The following PNPLA2 variants were observed in gnomAD, a reference collection of about 807,000 sequenced individuals.
PNPLA2 encodes the protein patatin-like phospholipase domain-containing protein 2.
In PNPLA2, 28 loss-of-function variants were observed where a neutral mutation model predicts 39.7. That is an observed-to-expected ratio of 0.70 (90% confidence interval 0.52 to 0.97). The LOEUF is 0.97. PNPLA2 is among the 50% of genes least tolerant of loss of function. PNPLA2 has a pLI of 0.00. For missense variants in PNPLA2, 768 were observed against 698.2 expected (o/e 1.10, Z -1.13); for synonymous variants, 392 against 321.1 (o/e 1.22, Z -2.36).
chr11:821,651 G>A lies in PNPLA2; in HGVS notation c.211G>A (p.Glu71Lys). 1 of 1,613,772 alleles carries A rather than the reference G, an allele frequency of 6.2e-7. No homozygotes were observed. The highest frequency in any genetic ancestry group is 2.2e-5 in the East Asian group (1 of 44,886). ...CLGEAGAKFI[E>K]VSKEARKRFL... ...AGGTGAGGCTGGTGCCAAGTTCATTGAGGTATCTAAAGAGGCCCGGAAGCG... is the reference window on the plus strand; with the variant it reads ...AGGTGAGGCTGGTGCCAAGTTCATTAAGGTATCTAAAGAGGCCCGGAAGCG... Residue 71 changes from glutamate to lysine, a missense_variant, in exon 3 of 10, where the codon GAG (glutamate) becomes AAG (lysine). Physicochemically the swap from Glu to Lys is moderately conservative, Grantham distance 56. Coordinates refer to ENST00000336615, the MANE Select transcript of PNPLA2 (RefSeq NM_020376.4).
In PNPLA2 at chr11:823,732, C is replaced by T. The variant is rs769674578; in HGVS notation, c.796C>T (p.Pro266Ser). 2.5e-6 allele frequency: 4 copies of T among 1,606,040 alleles called. No individual in the cohort carries two copies. The East Asian group carries it at 6.7e-5, about 27-fold the overall frequency. The change falls in exon 7 of 10, where the codon CCC (proline) becomes TCC (serine). Residue 266 changes from proline to serine, a missense_variant. Transcript: ENST00000336615. ...GCCCAACCCCTTGCTGGCGTTGCCC[C>T]CCGCCCGCCCCCACGGCCCAGAGGA... ...NRPNPLLALP[P>S]ARPHGPEDKD...
rs1273725564 is a variant in PNPLA2, at chr11:819,745, C to T, written c.27C>T (p.Asn9=). 2 of 1,506,974 alleles carry T rather than the reference C, an allele frequency of 1.3e-6. No homozygotes were observed. Among genetic ancestry groups the T allele is most frequent in the Admixed American group, 2.1e-5 (1 of 47,200 alleles). 93.4% of individuals were successfully genotyped at this position (1,506,974 alleles called of 1,614,324 possible). The change falls in exon 2 of 10, where the codon AAC becomes AAT. Residue 9 remains asparagine, a synonymous_variant. Transcript: ENST00000336615. ...TGTTTCCCCGCGAGAAGACGTGGAA[C>T]ATCTCGTTCGCGGGCTGCGGCTTCC... The part of the protein sequence containing the change: MFPREKTW[N]ISFAGCGFLG...
At position 824,631 on chromosome 11, in the gene PNPLA2, G is replaced by C; in HGVS notation, c.1284G>C (p.Ser428=). ...CCGGCTGGATGCGCAACAACCTCTC[G>C]CTGGGGGACGCGCTGGCCAAGTGGG... ...ALPGWMRNNL[S]LGDALAKWEE... The change falls in exon 10 of 10, where the codon TCG becomes TCC. Residue 428 remains serine (S), a synonymous_variant. Transcript: ENST00000336615. 1 of 1,596,452 alleles carries C rather than the reference G, an allele frequency of 6.3e-7. No homozygotes were observed. The highest frequency in any genetic ancestry group is 1.7e-5 in the Admixed American group (1 of 59,158).
intron 8 of PNPLA2, 85 bp downstream of exon 8, chr11:824,215 G>C: frequency 6.5e-7 from 1 of 1,546,820 alleles, no homozygotes; most frequent in Non-Finnish European, 8.7e-7. Flanking sequence ...GGAAGGTGGG[G>C]TGGGGTGAGC....
chr11:820,322 G>T (rs2133845879), intron 2 of PNPLA2, among the ~76,000 whole-genome samples: 1 of 152,336 alleles, frequency 6.6e-6, no homozygotes, highest in East Asian at 1.9e-4. Context: ...AGGGGGCCTG[G>T]CATGGGGGTA....
At position 819,923 on chromosome 11, in the gene PNPLA2, C is replaced by T; in HGVS notation, c.187+18C>T. On this transcript the variant is annotated intron_variant, in intron 2 of 9. Coordinates refer to ENST00000336615, the MANE Select transcript of PNPLA2 (RefSeq NM_020376.4). ...CTGCCTGGGTGAGCGGGGCCGGGGGCGGCAGGCGGGGGGCTGGCGGGAAGG... is the reference window on the plus strand; with the variant it reads ...CTGCCTGGGTGAGCGGGGCCGGGGGTGGCAGGCGGGGGGCTGGCGGGAAGG... The T allele has an allele frequency of 7.6e-7, 1 of 1,318,330 alleles. No individual in the cohort carries two copies. Among genetic ancestry groups the T allele is most frequent in the Non-Finnish European group, 9.7e-7 (1 of 1,033,468 alleles). 81.7% of individuals were successfully genotyped at this position (1,318,330 alleles called of 1,614,324 possible). A position where few individuals can be genotyped will look rare whatever the true frequency, so the allele number is the denominator to read the frequency against.
intron 6 of PNPLA2, 30 bp downstream of exon 6, chr11:823,617 G>T: frequency 6.2e-7 from 1 of 1,604,702 alleles, no homozygotes; most frequent in Non-Finnish European, 8.5e-7. Flanking sequence ...AGAGGGCGGG[G>T]TGGGCTCGGC....
At chr11:820,043 C>G in intron 2 of PNPLA2, 138 bp downstream of exon 2, 1 of 594,958 alleles carries the variant, frequency 1.7e-6, no homozygotes, top group African/African-American at 1.9e-5. Context: ...GCCTGGGGAA[C>G]CCGGCGAGGA....
intron 2 of PNPLA2, among the ~76,000 whole-genome samples, 158 bp downstream of exon 2, chr11:820,063 G>C (rs1845618229): frequency 6.6e-6 from 1 of 152,140 alleles, no homozygotes; most frequent in Non-Finnish European, 1.5e-5. Context: ...ATCCAATCCG[G>C]GTCGCTGGCC....
intron 7 of PNPLA2, 24 bp downstream of exon 7, chr11:823,879 G>A: frequency 6.4e-7 from 1 of 1,564,934 alleles, no homozygotes; most frequent in Non-Finnish European, 8.6e-7. Context: ...GGACGGGAGG[G>A]GAGGAGGGGA....
At chr11:822,358 G>A in intron 4 of PNPLA2, 39 bp from the exon 5 acceptor site, 1 of 1,578,120 alleles carries the variant, frequency 6.3e-7, no homozygotes, top group Non-Finnish European at 8.7e-7. Context: ...TGCAGCCACA[G>A]GCCCTCACAT....
intron 2 of PNPLA2, 197 bp from the exon 3 acceptor site, chr11:821,425 AGGTCCT>A (rs1845660696): frequency 1.6e-6 from 1 of 613,922 alleles, no homozygotes; most frequent in Non-Finnish European, 2.9e-6. Flanking sequence ...GGCAGAGGGC[AGGTCCT>A]GGTCTCAGCT....
intron 2 of PNPLA2, among the ~76,000 whole-genome samples, chr11:820,264 A>C (rs1845625152): frequency 6.6e-6 from 1 of 152,232 alleles, no homozygotes; most frequent in Admixed American, 6.5e-5. Context: ...AACCGGTGCC[A>C]GCGATCGGTC....
chr11:820,470 C>T (rs1301653500), intron 2 of PNPLA2, among the ~76,000 whole-genome samples: 1 of 152,194 alleles, frequency 6.6e-6, no homozygotes, highest in African/African-American at 2.4e-5. Flanking sequence ...GCCTGGCTCC[C>T]CGCTGCGGCC....
chr11:824,963 GC>G lies in PNPLA2; in HGVS notation c.*106del. On this transcript the variant is annotated 3_prime_UTR_variant, in exon 10 of 10. Transcript: ENST00000336615. ...TTGCCAAGAGGGGTCTTTGCCGTGG[GC>G]CCCCTCGCCAGCCACTCACCAGCTG... 2 of 984,348 alleles carry G rather than the reference GC, an allele frequency of 2.0e-6. No individual in the cohort carries two copies. The highest frequency in any genetic ancestry group is 1.4e-5 in the South Asian group (1 of 72,590). The allele number at this position is 984,348 out of a possible 1,614,324, so 61.0% of individuals were successfully genotyped here.
At position 824,898 on chromosome 11, in the gene PNPLA2, C is replaced by A; in HGVS notation, c.*36C>A. On this transcript the variant is annotated 3_prime_UTR_variant, in exon 10 of 10. Transcript: ENST00000336615. ...CTCTCGAGGAACCCTGCCTGAGACG[C>A]CTCCATTACCACTGCGCAGTGAGAT... 6.8e-7 allele frequency: 1 copy of A among 1,461,208 alleles called. No homozygotes were observed. The highest frequency in any genetic ancestry group is 9.3e-7 in the Non-Finnish European group (1 of 1,078,864). 90.5% of individuals were successfully genotyped at this position (1,461,208 alleles called of 1,614,324 possible). A position where few individuals can be genotyped will look rare whatever the true frequency, so the allele number is the denominator to read the frequency against.
rs1590182127 is a variant in PNPLA2 at position 825,294 on chromosome 11, C to T, written c.*432C>T. 1 of 277,328 alleles carries T rather than the reference C, an allele frequency of 3.6e-6. No individual in the cohort carries two copies. Among genetic ancestry groups the T allele is most frequent in the Middle Eastern group, 1.3e-3 (1 of 748 alleles). 17.2% of individuals were successfully genotyped at this position (277,328 alleles called of 1,614,324 possible). A position where few individuals can be genotyped will look rare whatever the true frequency, so the allele number is the denominator to read the frequency against. ...CCTGGTGGCCAGGGTCTGGCCCTAC[C>T]TTGGCTGACCAGCCTCTCCACAGCT... On this transcript the variant is annotated 3_prime_UTR_variant, in exon 10 of 10. Transcript: ENST00000336615.
At chr11:822,646 CCT>C (rs1565087598) in intron 5 of PNPLA2, 40 bp downstream of exon 5, 1 of 1,478,386 alleles carries the variant, frequency 6.8e-7, no homozygotes, top group Non-Finnish European at 9.4e-7. Context: ...CCCAGCCACT[CCT>C]CACTGGGCAC....
chr11:823,865 TG>T lies in PNPLA2; in HGVS notation c.919+15del, dbSNP rs1025673794. On this transcript the variant is annotated intron_variant, in intron 7 of 9. Transcript: ENST00000336615. Reference sequence around the variant, plus strand: ...GCCCGGCTCAATGAGGGTGCGCACCTGGGGGACGGGAGGGGAGGAGGGGAGG... The same window carrying T: ...GCCCGGCTCAATGAGGGTGCGCACCTGGGGACGGGAGGGGAGGAGGGGAGG... 2 of 1,575,932 alleles carry T rather than the reference TG, an allele frequency of 1.3e-6. No individual in the cohort carries two copies.
Sources: gnomAD v4.1 joint callset for allele counts (sites outside exome capture counted in the v4.1 genomes callset) on GRCh38, gnomAD v4.1.1 for gene constraint, MANE v1.5 for transcripts, NCBI Gene and HGNC (gene_info 2026-07-23, HGNC 2026-07-21) for gene names.